KIF21B: variants seen among roughly 807,000 people sequenced by gnomAD.
KIF21B encodes the protein kinesin family member 21B.
KIF21B carries 85 observed loss-of-function variants against 192.9 expected under a neutral mutation model. The observed-to-expected ratio is 0.44, with a 90% CI of 0.37 to 0.53. The LOEUF is 0.53. Ranked by LOEUF, KIF21B falls within the 20% of genes least tolerant of loss-of-function variation. The pLI is 0.00. For synonymous variants in KIF21B, 832 were observed against 884.6 expected (o/e 0.94, Z 1.05); for missense variants, 1,716 against 2,194.8 (o/e 0.78, Z 4.36).
At chr1:201,009,054 G>A (rs532503208) in intron 2 of KIF21B, 103 bp from the exon 3 acceptor site, 13 of 1,364,860 alleles carry the variant, frequency 9.5e-6, no homozygotes, top group East Asian at 4.7e-5. Flanking sequence ...CTCCCAGCCC[G>A]GTTCCCCTGC....
Position 201,023,379 on chromosome 1 carries a change from G to T in KIF21B, c.5C>A (p.Ala2Asp), listed in dbSNP as rs1029285127. Reference protein sequence around the residue: MAGQGDCCVKVA... With the variant: MDGQGDCCVKVA... Reference sequence around the variant, plus strand: ...CTTGACGCAGCAGTCCCCCTGGCCGGCCATGGCCCTCTGGAGCTAGGGTCT... The same window carrying T: ...CTTGACGCAGCAGTCCCCCTGGCCGTCCATGGCCCTCTGGAGCTAGGGTCT... The change falls in exon 1 of 35, where the codon GCC (alanine) becomes GAC (aspartate). Residue 2 changes from alanine to aspartate, a missense_variant. By Grantham distance (126) the Ala-to-Asp change is moderately radical. This residue lies in a region of KIF21B where 1,087 missense variants were observed against 1,316.6 expected (regional missense o/e 0.83). Coordinates refer to ENST00000461742, the MANE Select transcript of KIF21B (RefSeq NM_001252102.2). This position sits in a 1 kb window ranked among gnomAD's most constrained non-coding sequence, Gnocchi z 5.9. 8 of 1,525,972 alleles carry T rather than the reference G, an allele frequency of 5.2e-6. No homozygotes were observed. Among genetic ancestry groups the T allele is most frequent in the Non-Finnish European group, 7.0e-6 (8 of 1,139,240 alleles). 94.5% of individuals were successfully genotyped at this position (1,525,972 alleles called of 1,614,324 possible).
chr1:201,011,502 G>GTC lies in KIF21B; in HGVS notation c.42-2016_42-2015dup, dbSNP rs567196821. 9.1e-4 allele frequency among the ~76,000 whole-genome samples: 139 copies of GTC among 152,310 alleles called. 1 individual carries two copies. Among genetic ancestry groups the GTC allele is most frequent in the South Asian group, 2.7e-3 (13 of 4,822 alleles). ...CCTTTCAATGGTCTTATGCTACACC[G>GTC]TCTCTAAAGACCAGGGTTCAGAGTG... is the stretch of plus-strand genomic sequence containing the variant. On this transcript the variant is annotated intron_variant, in intron 1 of 34. Transcript: ENST00000461742.
At chr1:200,995,517 C>A (rs544290117) in intron 15 of KIF21B, among the ~76,000 whole-genome samples, 19 of 152,074 alleles carry the variant, frequency 1.2e-4, no homozygotes, top group Non-Finnish European at 2.1e-4. Flanking sequence ...AGCACAGGGG[C>A]AGGCCCCAGG....
chr1:200,978,616 T>C (rs188387262), intron 30 of KIF21B, among the ~76,000 whole-genome samples: 3 of 152,360 alleles, frequency 2.0e-5, no homozygotes, highest in Admixed American at 1.3e-4. Context: ...AAATGTATAA[T>C]GGCATGCATC....
chr1:200,987,924 C>T (rs1299002263), intron 24 of KIF21B, among the ~76,000 whole-genome samples: 1 of 152,150 alleles, frequency 6.6e-6, no homozygotes, highest in Non-Finnish European at 1.5e-5. Flanking sequence ...ACTGTGTGCA[C>T]GTAAGATAAC....
intron 27 of KIF21B, among the ~76,000 whole-genome samples, chr1:200,983,861 C>T (rs1656111449): frequency 6.6e-6 from 1 of 152,186 alleles, no homozygotes; most frequent in Non-Finnish European, 1.5e-5. Flanking sequence ...GACTCCTGGG[C>T]TCAGCATTCA....
Position 201,015,646 on chromosome 1 carries a change from G to A in KIF21B, c.42-6158C>T, listed in dbSNP as rs148588383. ...GCCAGGCTGCTGTATCCTCTGTGGC[G>A]GATGAGTGAGTGTATGGAGGGGACA... On this transcript the variant is annotated intron_variant, in intron 1 of 34. Coordinates refer to ENST00000461742, the MANE Select transcript of KIF21B (RefSeq NM_001252102.2). Among the ~76,000 whole-genome samples, 805 of 152,280 alleles carry A rather than the reference G, an allele frequency of 5.3e-3. 8 individuals carry two copies. Among genetic ancestry groups the A allele is most frequent in the African/African-American group, 0.018 (739 of 41,550 alleles).
chr1:200,991,192 G>T, intron 17 of KIF21B, 43 bp from the exon 18 acceptor site: 4 of 1,538,888 alleles, frequency 2.6e-6, no homozygotes, highest in Non-Finnish European at 2.7e-6. Context: ...GAGCAGGGTG[G>T]CCTGGAGCCA....
Position 201,023,571 on chromosome 1 carries a change from G to C in KIF21B, c.-188C>G, listed in dbSNP as rs1006988425. The C allele has an allele frequency of 2.5e-5, 4 of 162,668 alleles. No individual in the cohort carries two copies. Among genetic ancestry groups the C allele is most frequent in the Admixed American group, 1.3e-4 (2 of 15,010 alleles). The allele number at this position is 162,668 out of a possible 1,614,324, so 10.1% of individuals were successfully genotyped here. A position where few individuals can be genotyped will look rare whatever the true frequency, so the allele number is the denominator to read the frequency against. On this transcript the variant is annotated 5_prime_UTR_variant, in exon 1 of 35. Transcript: ENST00000461742. The surrounding 1 kb of genome is among the most constrained non-coding windows in gnomAD (Gnocchi z 5.9). ...GGGCTCACCCGCGGCCGGCCCCCCG[G>C]GGCTGGGCCCGCGCGCCTCCTCGCG...
At chr1:201,007,721 GAC>G (rs975178220) in intron 3 of KIF21B, among the ~76,000 whole-genome samples, 109 of 145,238 alleles carry the variant, frequency 7.5e-4, no homozygotes, top group African/African-American at 2.6e-3. Context: ...CAGACACATA[GAC>G]ACACATACAC....
chr1:200,987,256 G>T, intron 24 of KIF21B, 55 bp from the exon 25 acceptor site: 1 of 1,478,600 alleles, frequency 6.8e-7, no homozygotes. Context: ...GGCACATAAA[G>T]GGGAGCCAGG....
At position 201,000,451 on chromosome 1, in the gene KIF21B, G is replaced by A. The variant is rs760774571; in HGVS notation, c.1624C>T (p.Arg542Cys). 5.1e-6 allele frequency: 8 copies of A among 1,581,526 alleles called. No individual in the cohort carries two copies. In the Admixed American group the frequency reaches 5.8e-5, roughly 11 times the overall value. ...CGCTCCAGGTCCTGCTTGGCCCTGC[G>A]GATCACCTCCGAGGCATCCTCCATG... is the stretch of plus-strand genomic sequence containing the variant. ...SSMEDASEVIRRAKQDLERLK... is the reference protein window; with the variant it reads ...SSMEDASEVICRAKQDLERLK... The change falls in exon 11 of 35, where the codon CGC (arginine) becomes TGC (cysteine). Residue 542 changes from arginine (R) to cysteine (C), a missense_variant. By Grantham distance (180) the Arg-to-Cys change is radical. Around this residue, in one of 3 missense-constraint regions of KIF21B, gnomAD observed 1,087 missense variants for 1,316.6 expected, o/e 0.83. Transcript: ENST00000461742. The surrounding 1 kb of genome is among the most constrained non-coding windows in gnomAD (Gnocchi z 6.0).
In KIF21B at chr1:201,005,296, C is replaced by T. The variant is rs1657747202; in HGVS notation, c.732+12G>A. On this transcript the variant is annotated intron_variant, in intron 5 of 34. Transcript: ENST00000461742. ...AGCAAGCTGGCTCCTGGGCCCCCTG[C>T]AGGCTCCTCACCAGGTCGGGCTGGG... 5 of 1,570,044 alleles carry T rather than the reference C, an allele frequency of 3.2e-6. No individual in the cohort carries two copies. Among genetic ancestry groups the T allele is most frequent in the African/African-American group, 1.4e-5 (1 of 74,040 alleles).
chr1:201,014,182 G>A (rs531721194), intron 1 of KIF21B, among the ~76,000 whole-genome samples: 1 of 152,382 alleles, frequency 6.6e-6, no homozygotes, highest in African/African-American at 2.4e-5. Context: ...AATTGAGCAG[G>A]AGCGGGTGTG....
chr1:201,007,433 CGGACACAGAGACACACAAACAT>C (rs1657947667), intron 3 of KIF21B, among the ~76,000 whole-genome samples: 1 of 148,626 alleles, frequency 6.7e-6, no homozygotes, highest in African/African-American at 2.5e-5. Context: ...TACACAGACA[CGGACACAGAGACACACAAACAT>C]ACACACACAC....
intron 9 of KIF21B, 41 bp downstream of exon 9, chr1:201,002,120 C>G: frequency 1.3e-6 from 2 of 1,588,998 alleles, no homozygotes; most frequent in Admixed American, 1.7e-5. Flanking sequence ...GGAGTCCTAG[C>G]CCGTTGGTGC....
rs188401084 is a variant in KIF21B at position 200,993,186 on chromosome 1, A to C, written c.2278-797T>G. On this transcript the variant is annotated intron_variant, in intron 15 of 34. Coordinates refer to ENST00000461742, the MANE Select transcript of KIF21B (RefSeq NM_001252102.2). The stretch of plus-strand genomic sequence containing the variant: ...AGGCGACCCAATGTGCTGGGAAGCC[A>C]CTGACCTCGGGCCCTGCGGCATCTG... Among the ~76,000 whole-genome samples, 6 of 152,360 alleles carry C rather than the reference A, an allele frequency of 3.9e-5. No individual in the cohort carries two copies. The East Asian group carries it at 1.2e-3, about 29-fold the overall frequency.
intron 15 of KIF21B, among the ~76,000 whole-genome samples, chr1:200,995,361 G>C (rs1432437515): frequency 1.3e-5 from 2 of 152,226 alleles, no homozygotes; most frequent in African/African-American, 4.8e-5. Flanking sequence ...TCCACTGAGG[G>C]CTGAGGATCA....
In KIF21B at chr1:201,009,435, G is replaced by C; in HGVS notation, c.95C>G (p.Ser32Cys). The C allele has an allele frequency of 6.2e-7, 1 of 1,614,236 alleles. No homozygotes were observed. Among genetic ancestry groups the C allele is most frequent in the Non-Finnish European group, 8.5e-7 (1 of 1,180,044 alleles). ...GACCTGGGGCTCTCCCGGGGTAACA[G>C]AGGTACAGATGTGACAGCCCTCAAT... ...EKIEGCHICTSVTPGEPQVLL... is the reference protein window; with the variant it reads ...EKIEGCHICTCVTPGEPQVLL... The change falls in exon 2 of 35, where the codon TCT (serine) becomes TGT (cysteine). Residue 32 changes from serine (S) to cysteine (C), a missense_variant. This residue lies in a region of KIF21B where 1,087 missense variants were observed against 1,316.6 expected (regional missense o/e 0.83). Coordinates refer to ENST00000461742, the MANE Select transcript of KIF21B (RefSeq NM_001252102.2).
Sources: gnomAD v4.1 joint callset for allele counts (sites outside exome capture counted in the v4.1 genomes callset) on GRCh38, gnomAD v4.1.1 for gene constraint, gnomAD v4.1.1 regional missense constraint, Gnocchi (gnomAD v3.1) non-coding constraint, MANE v1.5 for transcripts, NCBI Gene and HGNC (gene_info 2026-07-23, HGNC 2026-07-21) for gene names.